IL27RA: variants seen among roughly 807,000 people sequenced by gnomAD.
The protein encoded by IL27RA is interleukin-27 receptor subunit alpha.
Under a neutral mutation model 80.8 loss-of-function variants are expected in IL27RA, and 61 were observed. The observed-to-expected ratio is 0.76, with a 90% CI of 0.61 to 0.93. The LOEUF is 0.93. Among genes scored for constraint, IL27RA ranks in the 40% least tolerant of loss-of-function variants. The pLI is 0.00. For missense variants in IL27RA, 735 were observed against 808.1 expected (o/e 0.91, Z 1.10); for synonymous variants, 316 against 332.5 (o/e 0.95, Z 0.54).
chr19:14,034,165 G>A (rs570204713), intron 2 of IL27RA, among the ~76,000 whole-genome samples: 2 of 152,152 alleles, frequency 1.3e-5, no homozygotes, highest in Middle Eastern at 6.8e-3. Flanking sequence ...GTGTGGTGCT[G>A]GGGATGCTGC....
chr19:14,052,247 A>G lies in IL27RA; in HGVS notation c.1868A>G (p.Glu623Gly). Residue 623 changes from glutamate to glycine, a missense_variant, in exon 14 of 14, where the codon GAG (glutamate) becomes GGG (glycine). Coordinates refer to ENST00000263379, the MANE Select transcript of IL27RA (RefSeq NM_004843.4). ...YEKHFLPTPE[E>G]LGLLGPPRPQ... ...AAGCACTTCCTGCCCACACCTGAGG[A>G]GCTGGGCCTTCTGGGGCCCCCCAGG... 6.4e-7 allele frequency: 1 copy of G among 1,558,982 alleles called. No individual in the cohort carries two copies.
intron 8 of IL27RA, among the ~76,000 whole-genome samples, chr19:14,048,024 C>G (rs1169025116): frequency 6.7e-6 from 1 of 148,954 alleles, no homozygotes; most frequent in African/African-American, 2.5e-5. Context: ...GTGGCGTGAT[C>G]TCAGCTCACT....
intron 5 of IL27RA, 25 bp downstream of exon 5, chr19:14,042,637 A>G (rs778410922): frequency 8.2e-5 from 132 of 1,613,822 alleles, no homozygotes; most frequent in Non-Finnish European, 1.1e-4. Context: ...GCTTGCCCTC[A>G]ATCCACGCCC....
At chr19:14,043,243 G>A (rs1976018334) in intron 6 of IL27RA, among the ~76,000 whole-genome samples, 1 of 152,062 alleles carries the variant, frequency 6.6e-6, no homozygotes, top group South Asian at 2.1e-4. Context: ...GGTTGCTAAA[G>A]TGGTCAGCAC....
intron 2 of IL27RA, among the ~76,000 whole-genome samples, chr19:14,034,056 G>A (rs1975861313): frequency 1.3e-5 from 2 of 152,172 alleles, no homozygotes; most frequent in African/African-American, 4.8e-5. Flanking sequence ...TAGGTGCTTG[G>A]CAAGGAGAAA....
At chr19:14,049,638 A>G (rs1016677477) in intron 10 of IL27RA, among the ~76,000 whole-genome samples, 1 of 150,260 alleles carries the variant, frequency 6.7e-6, no homozygotes, top group Non-Finnish European at 1.5e-5. Context: ...CTGGAGTGCA[A>G]TGGCACGATC....
intron 2 of IL27RA, among the ~76,000 whole-genome samples, chr19:14,039,285 AAG>A (rs1975952101): frequency 6.6e-6 from 1 of 151,708 alleles, no homozygotes; most frequent in African/African-American, 2.4e-5. Context: ...AAAAAAAAAA[AAG>A]AAAAAGAGCA....
rs1568500384 is a variant in IL27RA at position 14,039,796 on chromosome 19, C to G, written c.420C>G (p.Ser140=). The G allele has an allele frequency of 6.2e-7, 1 of 1,614,028 alleles. No homozygotes were observed. The highest frequency in any genetic ancestry group is 8.5e-7 in the Non-Finnish European group (1 of 1,180,024). Residue 140 remains serine (S), a synonymous_variant, in exon 4 of 14, where the codon TCC becomes TCG. Coordinates refer to ENST00000263379, the MANE Select transcript of IL27RA (RefSeq NM_004843.4). ...GGCTGGGCCCTGACGTGGACTTTTC[C>G]GAGGATGACCCCCTGGAGGCCACTG... The part of the protein sequence containing the change: ...APRLGPDVDF[S]EDDPLEATVH...
chr19:14,050,669 G>A, intron 10 of IL27RA, 89 bp from the exon 11 acceptor site: 2 of 1,384,874 alleles, frequency 1.4e-6, no homozygotes, highest in South Asian at 2.8e-5. Context: ...ATACCTGGGA[G>A]AGAGTGTTGC....
At chr19:14,042,824 G>T in intron 6 of IL27RA, 35 bp downstream of exon 6, 1 of 1,569,418 alleles carries the variant, frequency 6.4e-7, no homozygotes, top group Non-Finnish European at 8.8e-7. Context: ...TTCTCTGCAC[G>T]TGTTAGGAAA....
chr19:14,038,291 C>T (rs73519641), intron 2 of IL27RA, among the ~76,000 whole-genome samples: 6,279 of 152,024 alleles, frequency 0.041, 465 homozygotes, highest in African/African-American at 0.14. Context: ...CACAAGTGCG[C>T]GCCACTACCC....
At chr19:14,036,088 AAAAG>A (rs952718381) in intron 2 of IL27RA, among the ~76,000 whole-genome samples, 4 of 151,364 alleles carry the variant, frequency 2.6e-5, no homozygotes, top group Admixed American at 6.6e-5. Context: ...AAAAAAAAAA[AAAAG>A]AAAGAAGAAG....
intron 2 of IL27RA, among the ~76,000 whole-genome samples, chr19:14,032,865 CT>C (rs1975843041): frequency 6.6e-6 from 1 of 151,126 alleles, no homozygotes; most frequent in Non-Finnish European, 1.5e-5. Context: ...GTCTGCCCCC[CT>C]CCCCCAATAC....
At chr19:14,046,732 C>G in intron 8 of IL27RA, 114 bp downstream of exon 8, 1 of 1,035,646 alleles carries the variant, frequency 9.7e-7, no homozygotes, top group South Asian at 1.6e-5. Context: ...CTTGGTGGCT[C>G]ATGCCTGTAA....
intron 10 of IL27RA, among the ~76,000 whole-genome samples, chr19:14,049,856 G>T (rs1976133508): frequency 6.6e-6 from 1 of 151,872 alleles, no homozygotes; most frequent in Non-Finnish European, 1.5e-5. Flanking sequence ...GGGATTATAG[G>T]TGTGAGCCAC....
At position 14,038,844 on chromosome 19, in the gene IL27RA, A is replaced by G. The variant is rs561156447; in HGVS notation, c.219-664A>G. Among the ~76,000 whole-genome samples, 5 of 151,368 alleles carry G rather than the reference A, an allele frequency of 3.3e-5. No homozygotes were observed. In the Admixed American group the frequency reaches 3.3e-4, roughly 10 times the overall value. On this transcript the variant is annotated intron_variant, in intron 2 of 13. Coordinates refer to ENST00000263379, the MANE Select transcript of IL27RA (RefSeq NM_004843.4). ...GGTTGCGGTGAGCCAAGATCGCACC[A>G]TTGCACTCCAAGCTGGGCAACAAGA...
At chr19:14,051,262 T>C (rs549450518) in intron 11 of IL27RA, among the ~76,000 whole-genome samples, 20 of 149,132 alleles carry the variant, frequency 1.3e-4, no homozygotes, top group African/African-American at 5.0e-4. Flanking sequence ...AAATTAAGAA[T>C]TGCCAGGCAC....
intron 6 of IL27RA, 149 bp from the exon 7 acceptor site, chr19:14,046,005 A>T: frequency 1.3e-6 from 1 of 756,326 alleles, no homozygotes; most frequent in South Asian, 1.8e-5. Context: ...AGTCTGGGTA[A>T]CAGAATGAAG....
chr19:14,039,716 G>A (rs778825813), intron 3 of IL27RA, 37 bp from the exon 4 acceptor site: 1 of 1,610,208 alleles, frequency 6.2e-7, no homozygotes, highest in East Asian at 2.2e-5. Flanking sequence ...GCTCTTGGAG[G>A]GCGTGGCTCA....
Sources: gnomAD v4.1 joint callset for allele counts (sites outside exome capture counted in the v4.1 genomes callset) on GRCh38, gnomAD v4.1.1 for gene constraint, MANE v1.5 for transcripts, NCBI Gene and HGNC (gene_info 2026-07-23, HGNC 2026-07-21) for gene names.